Variants in TPH2 observed in about 807,000 individuals in gnomAD.
The protein encoded by TPH2 is tryptophan hydroxylase 2.
Under a neutral mutation model 59.1 loss-of-function variants are expected in TPH2, and 27 were observed. The ratio of observed to expected loss-of-function variants is 0.46; its 90% CI spans 0.34 to 0.63. The LOEUF (loss-of-function observed/expected upper bound fraction) is 0.63. Ranked by LOEUF, TPH2 falls within the 30% of genes least tolerant of loss-of-function variation. The pLI is 0.01. For synonymous variants in TPH2, 220 were observed against 210.5 expected, an observed-to-expected ratio of 1.05 and a Z score of -0.39; for missense variants, 523 against 588.3, an observed-to-expected ratio of 0.89 and a Z score of 1.15.
chr12:71,945,367 A>G (rs1871171690), intron 4 of TPH2, among the ~76,000 whole-genome samples: 1 of 152,156 alleles, frequency 6.6e-6, no homozygotes, highest in Non-Finnish European at 1.5e-5. Flanking sequence ...CTTTATGGCC[A>G]GAGTGAAGTA....
chr12:71,994,323 T>C, intron 7 of TPH2, 116 bp from the exon 8 acceptor site: 1 of 1,108,464 alleles, frequency 9.0e-7, no homozygotes, highest in Non-Finnish European at 1.4e-6. Flanking sequence ...ATTGATGAAC[T>C]GTAGTAACTA....
chr12:72,021,350 C>A (rs1873408990), intron 8 of TPH2, among the ~76,000 whole-genome samples: 1 of 140,804 alleles, frequency 7.1e-6, no homozygotes, highest in Admixed American at 7.4e-5. Flanking sequence ...AAACTTGGGC[C>A]AATAAAGTGT....
At chr12:71,986,350 T>C (rs1296879471) in intron 7 of TPH2, among the ~76,000 whole-genome samples, 1 of 152,210 alleles carries the variant, frequency 6.6e-6, no homozygotes, top group Non-Finnish European at 1.5e-5. Flanking sequence ...GCCACGTTCC[T>C]AGACCTGGAC....
rs1870982154 is a variant in TPH2, at chr12:71,939,110, G to GC, written c.105+20dup. On this transcript the variant is annotated intron_variant, in intron 1 of 10. Transcript: ENST00000333850. ...CTCAACAGTGAGTACTACGTACCTG[G>GC]CACTATGGAGAATTATTTTTTAGGG... 1 of 1,581,200 alleles carries GC rather than the reference G, an allele frequency of 6.3e-7. No individual in the cohort carries two copies. Among genetic ancestry groups the GC allele is most frequent in the South Asian group, 1.1e-5 (1 of 90,370 alleles).
intron 5 of TPH2, among the ~76,000 whole-genome samples, chr12:71,957,459 CTT>C (rs1032220116): frequency 2.8e-4 from 42 of 151,012 alleles, no homozygotes; most frequent in African/African-American, 1.0e-3. Context: ...ACCTCAGCCT[CTT>C]GAGTTGCTGG....
intron 6 of TPH2, among the ~76,000 whole-genome samples, chr12:71,973,721 G>C (rs1034744391): frequency 6.6e-6 from 1 of 152,242 alleles, no homozygotes; most frequent in Admixed American, 6.5e-5. Flanking sequence ...AATTCTTTGC[G>C]TGAGATCCAA....
chr12:72,018,919 C>T (rs1274750164), intron 8 of TPH2, among the ~76,000 whole-genome samples: 1 of 152,146 alleles, frequency 6.6e-6, no homozygotes, highest in Non-Finnish European at 1.5e-5. Context: ...TTAAATGTCA[C>T]CATCTAGACT....
chr12:71,968,443 C>T (rs1871876934), intron 5 of TPH2, among the ~76,000 whole-genome samples: 1 of 152,180 alleles, frequency 6.6e-6, no homozygotes, highest in South Asian at 2.1e-4. Context: ...ACTTCATGTT[C>T]ACGTGAACCT....
Position 71,994,574 on chromosome 12 carries a change from A to G in TPH2, c.1068+9A>G. On this transcript the variant is annotated intron_variant, in intron 8 of 10. Coordinates refer to ENST00000333850, the MANE Select transcript of TPH2 (RefSeq NM_173353.4). ...TTCAGAAACTAGCCACGGTGAGTTCATTTTCAACTTAAAACCAGTGCTATT... is the reference window on the plus strand; with the variant it reads ...TTCAGAAACTAGCCACGGTGAGTTCGTTTTCAACTTAAAACCAGTGCTATT... 1.9e-6 allele frequency: 3 copies of G among 1,613,596 alleles called. No homozygotes were observed. The highest frequency in any genetic ancestry group is 2.5e-6 in the Non-Finnish European group (3 of 1,179,608).
At chr12:71,950,342 C>T (rs369315516) in intron 5 of TPH2, among the ~76,000 whole-genome samples, 1 of 151,760 alleles carries the variant, frequency 6.6e-6, no homozygotes, top group African/African-American at 2.4e-5. Context: ...AGAGAGTCAG[C>T]GAAGGGAGAT....
chr12:72,018,649 C>T (rs1434836827), intron 8 of TPH2, among the ~76,000 whole-genome samples: 1 of 152,138 alleles, frequency 6.6e-6, no homozygotes, highest in Admixed American at 6.6e-5. Flanking sequence ...CACATTTTTT[C>T]CACGAGCTCT....
intron 6 of TPH2, among the ~76,000 whole-genome samples, chr12:71,978,673 T>C (rs768102707): frequency 6.6e-6 from 1 of 152,224 alleles, no homozygotes; most frequent in Admixed American, 6.5e-5. Context: ...CTTATCCTAA[T>C]TGGGCTTCTG....
At chr12:71,997,480 C>T (rs1054049340) in intron 8 of TPH2, among the ~76,000 whole-genome samples, 1 of 152,146 alleles carries the variant, frequency 6.6e-6, no homozygotes, top group Non-Finnish European at 1.5e-5. Context: ...TTTACTAGGC[C>T]AACAAATTTG....
chr12:71,951,394 AGAAGCTCAAT>A (rs1871342214), intron 5 of TPH2, among the ~76,000 whole-genome samples: 2 of 152,196 alleles, frequency 1.3e-5, no homozygotes, highest in Non-Finnish European at 1.5e-5. Flanking sequence ...AGAACATGGT[AGAAGCTCAAT>A]GCCTGGCAGA....
intron 9 of TPH2, among the ~76,000 whole-genome samples, chr12:72,030,831 G>A (rs1873699844): frequency 6.6e-6 from 1 of 152,054 alleles, no homozygotes; most frequent in Non-Finnish European, 1.5e-5. Flanking sequence ...TCTCCATGCA[G>A]ATAATTATTA....
chr12:71,968,786 G>A (rs1288817325), intron 5 of TPH2, among the ~76,000 whole-genome samples: 2 of 152,154 alleles, frequency 1.3e-5, no homozygotes, highest in African/African-American at 2.4e-5. Flanking sequence ...GGTACAGGTG[G>A]TACAGGAGGA....
Position 71,949,536 on chromosome 12 carries a change from G to A in TPH2, c.541-52G>A, listed in dbSNP as rs577985334. ...ACAGTGATTTTCTTTTAGGTCTTCT[G>A]CAGCTAATTTTCAGCACTTTGTTAA... is the stretch of plus-strand genomic sequence containing the variant. On this transcript the variant is annotated intron_variant, in intron 4 of 10. Transcript: ENST00000333850. 4.1e-5 allele frequency: 60 copies of A among 1,479,054 alleles called. No individual in the cohort carries two copies. In the South Asian group the frequency reaches 5.3e-4, roughly 13 times the overall value. 91.6% of individuals were successfully genotyped at this position (1,479,054 alleles called of 1,614,324 possible).
In TPH2 at chr12:72,031,607, G is replaced by C. The variant is rs757400375; in HGVS notation, c.1385G>C (p.Ser462Thr). The change falls in exon 11 of 11, where the codon AGT (serine) becomes ACT (threonine). Residue 462 changes from serine to threonine, a missense_variant. Transcript: ENST00000333850. The part of the protein sequence containing the change: ...QSIEILKDTR[S>T]IENVVQDLRS... ...ATTGAAATTCTGAAAGACACCAGAA[G>C]TATTGAAAATGTGGTGCAGGACCTT... The C allele has an allele frequency of 5.6e-6, 9 of 1,613,544 alleles. No homozygotes were observed. Among genetic ancestry groups the C allele is most frequent in the Non-Finnish European group, 5.9e-6 (7 of 1,179,652 alleles).
At chr12:71,964,747 A>G (rs1871769049) in intron 5 of TPH2, 1 of 985,410 alleles carries the variant, frequency 1.0e-6, no homozygotes, top group African/African-American at 1.7e-5. Context: ...CAAATGCTTG[A>G]TAAGAGTTAA....
Sources: allele counts gnomAD v4.1 joint callset (sites outside exome capture counted in the v4.1 genomes callset), GRCh38; gene constraint gnomAD v4.1.1; transcripts MANE v1.5; gene names NCBI Gene and HGNC (gene_info 2026-07-23, HGNC 2026-07-21).